Variants in UTP14A observed in about 807,000 individuals in gnomAD.
UTP14A encodes UTP14A small subunit processome component.
Under a neutral mutation model 57.2 loss-of-function variants are expected in UTP14A, and 5 were observed. That is an observed-to-expected ratio of 0.09 (90% confidence interval 0.05 to 0.18). The LOEUF is 0.18. UTP14A is among the 10% of genes least tolerant of loss of function. The pLI is 1.00. For missense variants in UTP14A, 430 were observed against 562.1 expected, an observed-to-expected ratio of 0.76 and a Z score of 2.38; for synonymous variants, 169 against 210.9, an observed-to-expected ratio of 0.80 and a Z score of 1.72.
chrX:129,907,484 GA>G (rs1929295064), intron 2 of UTP14A, 42 bp downstream of exon 2: 1 of 1,097,177 alleles, frequency 9.1e-7, no homozygotes, highest in African/African-American at 1.8e-5. Flanking sequence ...TTAGGGTAGA[GA>G]GCACATTCCT....
intron 4 of UTP14A, 61 bp downstream of exon 4, chrX:129,908,795 TTCACC>T: frequency 9.5e-7 from 1 of 1,054,081 alleles, no homozygotes; most frequent in Non-Finnish European, 1.3e-6. Context: ...GGGCATTGTG[TTCACC>T]TCACCCCCCC....
chrX:129,912,688 G>A (rs1279283055), intron 6 of UTP14A, among the ~76,000 whole-genome samples: 1 of 110,852 alleles, frequency 9.0e-6, no homozygotes, highest in Non-Finnish European at 1.9e-5. Flanking sequence ...ATGTGTTGCT[G>A]GCAATGACTA....
At chrX:129,920,062 A>C in intron 8 of UTP14A, among the ~76,000 whole-genome samples, 1 of 111,350 alleles carries the variant, frequency 9.0e-6, no homozygotes, top group East Asian at 2.8e-4. Context: ...GGTAATGTGC[A>C]CCTATAGTCC....
At chrX:129,912,413 C>T (rs1270000338) in intron 6 of UTP14A, among the ~76,000 whole-genome samples, 2 of 109,747 alleles carry the variant, frequency 1.8e-5, no homozygotes, top group African/African-American at 6.6e-5. Flanking sequence ...TGAGCCAATG[C>T]GCCCGGTCTC....
At position 129,919,198 on chromosome X, in the gene UTP14A, A is replaced by C. The variant is rs772698111; in HGVS notation, c.561A>C (p.Glu187Asp). The C allele has an allele frequency of 8.3e-7, 1 of 1,211,750 alleles. No individual in the cohort carries two copies. Among genetic ancestry groups the C allele is most frequent in the Non-Finnish European group, 1.1e-6 (1 of 895,479 alleles). Residue 187 changes from glutamate to aspartate, a missense_variant, in exon 7 of 15, where the codon GAA becomes GAC. Coordinates refer to ENST00000394422, the MANE Select transcript of UTP14A (RefSeq NM_006649.4). The stretch of plus-strand genomic sequence containing the variant: ...AGGCAAGAACTCCCCTGGAGCAGGA[A>C]ATTTTCAACCTCCTCCATAAGAACA... ...GWKARTPLEQ[E>D]IFNLLHKNKQ...
chrX:129,920,810 A>T (rs1056171792), intron 10 of UTP14A, 58 bp downstream of exon 10: 1 of 1,207,586 alleles, frequency 8.3e-7, no homozygotes, highest in Non-Finnish European at 1.1e-6. Flanking sequence ...GCAGAAGCAG[A>T]GTTGGGGAAG....
chrX:129,908,620 G>A (rs753102633), intron 3 of UTP14A, 50 bp from the exon 4 acceptor site: 5 of 1,116,000 alleles, frequency 4.5e-6, no homozygotes, highest in Non-Finnish European at 6.2e-6. Context: ...CCAACCCCAA[G>A]CCCCCATAAA....
intron 5 of UTP14A, among the ~76,000 whole-genome samples, 158 bp downstream of exon 5, chrX:129,911,308 C>T (rs1208375655): frequency 9.0e-6 from 1 of 110,887 alleles, no homozygotes; most frequent in Non-Finnish European, 1.9e-5. Context: ...GAGTGCCAGG[C>T]GCGGTGGCTC....
intron 2 of UTP14A, among the ~76,000 whole-genome samples, chrX:129,907,763 T>C (rs1929304814): frequency 9.0e-6 from 1 of 111,344 alleles, no homozygotes; most frequent in Non-Finnish European, 1.9e-5. Flanking sequence ...GAGACCATCC[T>C]GGCTAACACA....
rs181633970 is a variant in UTP14A at position 129,914,594 on chromosome X, A to C, written c.537+2673A>C. Among the ~76,000 whole-genome samples, 259 of 109,740 alleles carry C rather than the reference A, an allele frequency of 2.4e-3. 2 individuals are homozygous for C. Among genetic ancestry groups the C allele is most frequent in the South Asian group, 0.01 (26 of 2,598 alleles). On this transcript the variant is annotated intron_variant, in intron 6 of 14. Coordinates refer to ENST00000394422, the MANE Select transcript of UTP14A (RefSeq NM_006649.4). ...CTCTACTCTTTCCCCGCCCTCCCCC[A>C]AAAAAAAGAAAAGAAAATCGAAAGT...
Position 129,911,047 on chromosome X carries a change from C to T in UTP14A, c.278C>T (p.Pro93Leu). The T allele has an allele frequency of 8.3e-7, 1 of 1,211,684 alleles. No homozygotes were observed. Among genetic ancestry groups the T allele is most frequent in the South Asian group, 1.8e-5 (1 of 56,985 alleles). Residue 93 changes from proline (P) to leucine (L), a missense_variant, in exon 5 of 15, where the codon CCT becomes CTT. By Grantham distance (98) the Pro-to-Leu change is moderately conservative (BLOSUM62 -3). This residue lies in a region of UTP14A where 145 missense variants were observed against 153.5 expected (regional missense o/e 0.94). Coordinates refer to ENST00000394422, the MANE Select transcript of UTP14A (RefSeq NM_006649.4). ...EKLVLADLLE[P>L]VKTSSSLATV... The stretch of plus-strand genomic sequence containing the variant: ...CTGGTCCTTGCAGATCTGCTTGAGC[C>T]TGTTAAAACTTCATCTTCTTTGGCC...
intron 11 of UTP14A, chrX:129,922,199 T>C (rs1421639140): frequency 8.9e-6 from 1 of 112,014 alleles, no homozygotes; most frequent in Non-Finnish European, 1.9e-5. Context: ...CTACCTGTTA[T>C]CTTGAAGAGA....
rs1443401601 is a variant in UTP14A, at chrX:129,907,373, G to T, written c.33G>T (p.Leu11=). The change falls in exon 2 of 15, where the codon CTG becomes CTT. Residue 11 remains leucine (L), a synonymous_variant. Transcript: ENST00000394422. MTANRLAESL[L]ALSQQEELAD... Reference sequence around the variant, plus strand: ...CTGTTGCCTCTTTTAACAGCCTTCTGGCTTTGAGCCAACAGGAAGAACTAG... The same window carrying T: ...CTGTTGCCTCTTTTAACAGCCTTCTTGCTTTGAGCCAACAGGAAGAACTAG... The T allele has an allele frequency of 6.6e-6, 8 of 1,206,116 alleles. No individual in the cohort carries two copies. The highest frequency in any genetic ancestry group is 7.8e-6 in the Non-Finnish European group (7 of 893,908).
At chrX:129,919,592 T>C in intron 8 of UTP14A, 103 bp downstream of exon 8, 1 of 910,342 alleles carries the variant, frequency 1.1e-6, no homozygotes, top group Non-Finnish European at 1.5e-6. Flanking sequence ...ACTAGAGTCA[T>C]GCAGATGAGG....
At position 129,925,173 on chromosome X, in the gene UTP14A, C is replaced by G; in HGVS notation, c.1727C>G (p.Ala576Gly). The G allele has an allele frequency of 8.3e-7, 1 of 1,209,938 alleles. No individual in the cohort carries two copies. Among genetic ancestry groups the G allele is most frequent in the African/African-American group, 1.7e-5 (1 of 57,657 alleles). The change falls in exon 12 of 15, where the codon GCA becomes GGA. Residue 576 changes from alanine (A) to glycine (G), a missense_variant. By Grantham distance (60) the Ala-to-Gly change is moderately conservative. Transcript: ENST00000394422. The part of the protein sequence containing the change: ...TTQSPSVKSL[A>G]VPTIEELEDE... ...CAATCTCCCTCCGTGAAGTCTTTGG[C>G]AGTTCCCACAATAGAGGAGCTGGTG...
At chrX:129,916,935 C>T (rs926379087) in intron 6 of UTP14A, among the ~76,000 whole-genome samples, 1 of 111,303 alleles carries the variant, frequency 9.0e-6, no homozygotes, top group Non-Finnish European at 1.9e-5. Context: ...TAACCTACCT[C>T]CCAATAATAT....
rs753910589 is a variant in UTP14A at position 129,907,357 on chromosome X, C to CT, written c.27-6dup. The CT allele has an allele frequency of 1.8e-4, 215 of 1,203,070 alleles. No homozygotes were observed. Among genetic ancestry groups the CT allele is most frequent in the Admixed American group, 4.5e-5 (2 of 44,024 alleles). ...TTGCATTCACATTTCTCTGTTGCCT[C>CT]TTTTAACAGCCTTCTGGCTTTGAGC... is the stretch of plus-strand genomic sequence containing the variant. On this transcript the variant is annotated splice_polypyrimidine_tract_variant and intron_variant, in intron 1 of 14. Transcript: ENST00000394422.
chrX:129,910,431 C>A (rs1227874073), intron 4 of UTP14A, among the ~76,000 whole-genome samples: 1 of 111,523 alleles, frequency 9.0e-6, no homozygotes, highest in African/African-American at 3.3e-5. Flanking sequence ...CACCTGTAAT[C>A]TCCAGCACTT....
chrX:129,918,603 C>T (rs767385888), intron 6 of UTP14A, among the ~76,000 whole-genome samples: 1 of 110,584 alleles, frequency 9.0e-6, no homozygotes, highest in Non-Finnish European at 1.9e-5. Context: ...TCTGGGCCGG[C>T]GCGGTGGCTC....
Sources: allele counts gnomAD v4.1 joint callset (sites outside exome capture counted in the v4.1 genomes callset), GRCh38; gene constraint gnomAD v4.1.1; regional missense constraint gnomAD v4.1.1; transcripts MANE v1.5; gene names NCBI Gene and HGNC (gene_info 2026-07-23, HGNC 2026-07-21).